Variants in KLHL32 observed in about 807,000 individuals in gnomAD.
KLHL32 encodes the protein kelch-like protein 32.
A neutral mutation model predicts 64.8 loss-of-function variants in KLHL32; 35 were observed. That is an observed-to-expected ratio of 0.54 (90% CI 0.41 to 0.72). The LOEUF is 0.72. Ranked by LOEUF, KLHL32 falls within the 30% of genes least tolerant of loss-of-function variation. The pLI, the probability that KLHL32 is intolerant of heterozygous loss-of-function variation, is 0.00. For synonymous variants in KLHL32, 259 were observed against 281.0 expected (o/e 0.92, Z 0.78); for missense variants, 589 against 768.5 (o/e 0.77, Z 2.76).
At chr6:97,014,156 T>C (rs1257329285) in intron 3 of KLHL32, among the ~76,000 whole-genome samples, 1 of 151,648 alleles carries the variant, frequency 6.6e-6, no homozygotes, top group Non-Finnish European at 1.5e-5. Flanking sequence ...TAGCCGGGCG[T>C]TGTGGTGGGC....
chr6:97,130,020 T>C (rs1459062696), intron 8 of KLHL32, among the ~76,000 whole-genome samples: 3 of 152,224 alleles, frequency 2.0e-5, no homozygotes, highest in Admixed American at 6.5e-5. Flanking sequence ...AAAGGAAATG[T>C]GGGTGGTTTG....
At chr6:97,068,679 A>G (rs1407622290) in intron 5 of KLHL32, among the ~76,000 whole-genome samples, 1 of 152,194 alleles carries the variant, frequency 6.6e-6, no homozygotes, top group Non-Finnish European at 1.5e-5. Context: ...CATTTGTTCT[A>G]ATTTGAATGT....
At position 96,976,191 on chromosome 6, in the gene KLHL32, G is replaced by A. The variant is rs561264320; in HGVS notation, c.204+14G>A. 3 of 1,523,580 alleles carry A rather than the reference G, an allele frequency of 2.0e-6. No individual in the cohort carries two copies. In the South Asian group the frequency reaches 3.8e-5, roughly 19 times the overall value. The allele number at this position is 1,523,580 out of a possible 1,614,324, so 94.4% of individuals were successfully genotyped here. A position where few individuals can be genotyped will look rare whatever the true frequency, so the allele number is the denominator to read the frequency against. ...GACTATTTCCGGGTAAGTCAGCATT[G>A]TTTGTTTCTCGTAAAATATTGATAA... On this transcript the variant is annotated intron_variant, in intron 3 of 10. Coordinates refer to ENST00000369261, the MANE Select transcript of KLHL32 (RefSeq NM_052904.4).
intron 6 of KLHL32, among the ~76,000 whole-genome samples, chr6:97,098,161 G>A (rs1430458966): frequency 1.3e-5 from 2 of 152,102 alleles, no homozygotes; most frequent in African/African-American, 2.4e-5. Context: ...ATCTAATAAT[G>A]CTGGTGTTTA....
At chr6:96,927,880 C>T (rs191818065) in intron 1 of KLHL32, among the ~76,000 whole-genome samples, 6 of 152,308 alleles carry the variant, frequency 3.9e-5, no homozygotes, top group Admixed American at 6.5e-5. Context: ...GTCCACTTTT[C>T]GAGCTCTTCT....
At chr6:96,940,785 T>G (rs980088219) in intron 1 of KLHL32, among the ~76,000 whole-genome samples, 12 of 152,194 alleles carry the variant, frequency 7.9e-5, no homozygotes, top group Non-Finnish European at 1.6e-4. Context: ...TTAGCAGACG[T>G]TATTGGATGC....
At chr6:96,907,222 C>T in the KLHL32 span, among the ~76,000 whole-genome samples, 9 of 152,148 alleles carry the variant, frequency 5.9e-5, no homozygotes, top group Non-Finnish European at 1.0e-4. Context: ...TTTAGTACAA[C>T]AAATCTCCAG....
intron 6 of KLHL32, among the ~76,000 whole-genome samples, chr6:97,097,798 C>T (rs1461022266): frequency 2.6e-5 from 4 of 152,162 alleles, no homozygotes; most frequent in Non-Finnish European, 4.4e-5. Flanking sequence ...AAAGTATAAA[C>T]GACAGGGATA....
At chr6:97,033,030 A>C (rs570511885) in intron 3 of KLHL32, among the ~76,000 whole-genome samples, 1 of 152,212 alleles carries the variant, frequency 6.6e-6, no homozygotes, top group African/African-American at 2.4e-5. Flanking sequence ...CAGGGAATAC[A>C]TAAAAGAAAC....
At chr6:96,985,032 G>A (rs1344429382) in intron 3 of KLHL32, among the ~76,000 whole-genome samples, 4 of 151,564 alleles carry the variant, frequency 2.6e-5, no homozygotes, top group Admixed American at 6.6e-5. Context: ...TTCCATTTTA[G>A]TGCTTCCTTC....
At chr6:97,086,518 C>T (rs1793437766) in intron 6 of KLHL32, among the ~76,000 whole-genome samples, 1 of 152,134 alleles carries the variant, frequency 6.6e-6, no homozygotes, top group Admixed American at 6.6e-5. Context: ...ACTGCATGTA[C>T]CAGATGAACA....
chr6:97,027,753 C>A (rs1348552951), intron 3 of KLHL32, among the ~76,000 whole-genome samples: 1 of 152,170 alleles, frequency 6.6e-6, no homozygotes, highest in Non-Finnish European at 1.5e-5. Context: ...GGGATCAGTC[C>A]TCCCATGCTG....
the KLHL32 span, among the ~76,000 whole-genome samples, chr6:96,907,775 G>A: frequency 6.6e-6 from 1 of 152,216 alleles, no homozygotes; most frequent in African/African-American, 2.4e-5. Flanking sequence ...TGAGTCAGAT[G>A]ATAAGTGAAA....
rs552447689 is a variant in KLHL32, at chr6:97,060,876, G to A, written c.313-3752G>A. Among the ~76,000 whole-genome samples, 4 of 152,116 alleles carry A rather than the reference G, an allele frequency of 2.6e-5. No individual in the cohort carries two copies. In the South Asian group the frequency reaches 6.2e-4, roughly 24 times the overall value. The stretch of plus-strand genomic sequence containing the variant: ...GTCACCCTAAATACAGCCACTGGTC[G>A]GTTCTTATCCCCACCAAAATGAGTG... On this transcript the variant is annotated intron_variant, in intron 4 of 10. Transcript: ENST00000369261.
intron 10 of KLHL32, among the ~76,000 whole-genome samples, chr6:97,133,589 T>C (rs1161602944): frequency 6.6e-6 from 1 of 152,240 alleles, no homozygotes; most frequent in Non-Finnish European, 1.5e-5. Context: ...ATAAAGTACA[T>C]ATATTTTGAA....
chr6:97,008,061 A>G (rs1485540435), intron 3 of KLHL32, among the ~76,000 whole-genome samples: 1 of 152,104 alleles, frequency 6.6e-6, no homozygotes, highest in African/African-American at 2.4e-5. Flanking sequence ...GCACCTCCTC[A>G]TGCAGGTGGT....
intron 3 of KLHL32, among the ~76,000 whole-genome samples, chr6:97,023,486 G>C (rs554270759): frequency 4.6e-5 from 7 of 152,246 alleles, no homozygotes; most frequent in East Asian, 1.9e-4. Context: ...AGCTGCTGTG[G>C]GGGTGGGAAA....
chr6:96,996,190 C>G (rs752073156), intron 3 of KLHL32, among the ~76,000 whole-genome samples: 1 of 152,244 alleles, frequency 6.6e-6, no homozygotes, highest in African/African-American at 2.4e-5. Flanking sequence ...CCATGAACGC[C>G]TACAGTTTCT....
intron 6 of KLHL32, among the ~76,000 whole-genome samples, chr6:97,086,929 A>G (rs1196064747): frequency 6.6e-6 from 1 of 152,208 alleles, no homozygotes. Context: ...GAGGCTAACC[A>G]TCCTTGTGGC....
Sources: gnomAD v4.1 joint callset for allele counts (sites outside exome capture counted in the v4.1 genomes callset) on GRCh38, gnomAD v4.1.1 for gene constraint, MANE v1.5 for transcripts, NCBI Gene and HGNC (gene_info 2026-07-23, HGNC 2026-07-21) for gene names.